Variants in RANBP2 observed in about 807,000 individuals in gnomAD.
The protein encoded by RANBP2 is RAN binding protein 2.
A neutral mutation model predicts 303.6 loss-of-function variants in RANBP2; 57 were observed. The ratio of observed to expected loss-of-function variants is 0.19; its 90% confidence interval spans 0.15 to 0.23. RANBP2 has a LOEUF of 0.23. Ranked by LOEUF, RANBP2 falls within the 10% of genes least tolerant of loss-of-function variation. The pLI is 1.00. For synonymous variants in RANBP2, 1,167 were observed against 1,301.5 expected (o/e 0.90, Z 2.23); for missense variants, 3,138 against 3,780.8 (o/e 0.83, Z 4.46).
chr2:108,948,943 C>G, the RANBP2 span, among the ~76,000 whole-genome samples: 1 of 152,224 alleles, frequency 6.6e-6, no homozygotes, highest in Middle Eastern at 3.4e-3. Flanking sequence ...GACAGTGAGA[C>G]CCCCATCACT....
In RANBP2 at chr2:108,749,122, C is replaced by T. The variant is rs768518457; in HGVS notation, c.1266C>T (p.Tyr422=). ...CAGAGCTTGAAGATTTGACTAGATACGATGTTGGTAAGTTATATGTTTCAG... is the reference window on the plus strand; with the variant it reads ...CAGAGCTTGAAGATTTGACTAGATATGATGTTGGTAAGTTATATGTTTCAG... ...REPELEDLTR[Y]DVGAIRAHNG... is the part of the protein sequence containing the mutation. The change falls in exon 9 of 29, where the codon TAC becomes TAT. Residue 422 remains tyrosine, a synonymous_variant. Coordinates refer to ENST00000283195, the MANE Select transcript of RANBP2 (RefSeq NM_006267.5). 7.4e-6 allele frequency: 12 copies of T among 1,611,720 alleles called. No homozygotes were observed. In the Admixed American group the frequency reaches 1.8e-4, roughly 25 times the overall value.
rs913766180 is a variant in RANBP2 at position 108,781,197 on chromosome 2, GATAAA to G, written c.8600-67_8600-63del. 174 of 1,444,822 alleles carry G rather than the reference GATAAA, an allele frequency of 1.2e-4. 1 individual carries two copies. The East Asian group carries it at 1.6e-3, about 13-fold the overall frequency. 89.5% of individuals were successfully genotyped at this position (1,444,822 alleles called of 1,614,324 possible). On this transcript the variant is annotated intron_variant, in intron 25 of 28. Coordinates refer to ENST00000283195, the MANE Select transcript of RANBP2 (RefSeq NM_006267.5). ...TACATCATCAGGAATTAGAGGGATTGATAAAATAAGAGGGGGATGAAAAATGTAAA... is the reference window on the plus strand; with the variant it reads ...TACATCATCAGGAATTAGAGGGATTGATAAGAGGGGGATGAAAAATGTAAA...
At chr2:109,311,691 G>T in the RANBP2 span, among the ~76,000 whole-genome samples, 1 of 152,200 alleles carries the variant, frequency 6.6e-6, no homozygotes, top group Non-Finnish European at 1.5e-5. Flanking sequence ...ATGCCTTTCT[G>T]ACTGATGTAC....
At chr2:109,748,011 CTTTTTTTTTT>C in the RANBP2 span, among the ~76,000 whole-genome samples, 1 of 52,484 alleles carries the variant, frequency 1.9e-5, no homozygotes. Context: ...ACATTTATAC[CTTTTTTTTTT>C]TTTTTTTTTT....
At chr2:108,959,198 G>C in the RANBP2 span, among the ~76,000 whole-genome samples, 2 of 152,250 alleles carry the variant, frequency 1.3e-5, no homozygotes, top group Non-Finnish European at 2.9e-5. Flanking sequence ...GAAAGCCAAG[G>C]CTTCAGTAAA....
the RANBP2 span, among the ~76,000 whole-genome samples, chr2:109,105,109 G>A: frequency 6.6e-6 from 1 of 152,204 alleles, no homozygotes; most frequent in Admixed American, 6.5e-5. Context: ...ATTGGTCGCA[G>A]CTGGCACCAG....
chr2:109,170,098 A>G, the RANBP2 span, among the ~76,000 whole-genome samples: 2 of 152,192 alleles, frequency 1.3e-5, no homozygotes, highest in African/African-American at 4.8e-5. Context: ...TATAATCTCT[A>G]CAAGTTTCCT....
chr2:108,887,091 C>T, the RANBP2 span, among the ~76,000 whole-genome samples: 1 of 152,136 alleles, frequency 6.6e-6, no homozygotes, highest in African/African-American at 2.4e-5. Context: ...TTTCATTCCT[C>T]TGCATCTGGT....
the RANBP2 span, chr2:109,614,927 G>A: frequency 6.7e-7 from 1 of 1,494,676 alleles, no homozygotes; most frequent in Non-Finnish European, 8.9e-7. Flanking sequence ...CGCACTGGCC[G>A]CCCCTGAGCG....
the RANBP2 span, among the ~76,000 whole-genome samples, chr2:109,394,625 A>G: frequency 6.6e-6 from 1 of 152,240 alleles, no homozygotes. Context: ...AAAAAACATG[A>G]AAAGTTTAGT....
chr2:109,130,466 C>G, the RANBP2 span, among the ~76,000 whole-genome samples: 1 of 152,224 alleles, frequency 6.6e-6, no homozygotes, highest in South Asian at 2.1e-4. Context: ...CAGACACTCC[C>G]TCTGCACACC....
At chr2:108,759,261 T>C (rs1489128364) in intron 18 of RANBP2, among the ~76,000 whole-genome samples, 1 of 152,108 alleles carries the variant, frequency 6.6e-6, no homozygotes, top group Admixed American at 6.6e-5. Flanking sequence ...TAACTTAGAA[T>C]GGCCGGTACC....
the RANBP2 span, among the ~76,000 whole-genome samples, chr2:109,685,771 G>A: frequency 6.6e-6 from 1 of 152,092 alleles, no homozygotes; most frequent in Non-Finnish European, 1.5e-5. Flanking sequence ...GTTATATGAA[G>A]GTCACAAAAC....
chr2:109,175,470 T>G, the RANBP2 span, among the ~76,000 whole-genome samples: 1 of 152,232 alleles, frequency 6.6e-6, no homozygotes, highest in Non-Finnish European at 1.5e-5. Context: ...GGCAGGTGGT[T>G]TCACATCTGT....
At chr2:109,036,917 G>GCAGATCA in the RANBP2 span, among the ~76,000 whole-genome samples, 1 of 152,126 alleles carries the variant, frequency 6.6e-6, no homozygotes, top group African/African-American at 2.4e-5. Flanking sequence ...GTGGAGGTGG[G>GCAGATCA]CAGATCACTT....
At chr2:109,149,392 G>A in the RANBP2 span, among the ~76,000 whole-genome samples, 15 of 152,266 alleles carry the variant, frequency 9.9e-5, 1 homozygote, top group East Asian at 2.7e-3. Context: ...TATTAATAAC[G>A]TAGCTATTAA....
At chr2:108,790,677 G>C (rs1272155971), downstream of RANBP2, among the ~76,000 whole-genome samples, 1 of 152,156 alleles carries the variant, frequency 6.6e-6, no homozygotes, top group Non-Finnish European at 1.5e-5. Context: ...CTGCAACCTG[G>C]GTGACAGAGT....
downstream of RANBP2, among the ~76,000 whole-genome samples, chr2:108,789,724 C>T (rs1339867565): frequency 6.6e-6 from 1 of 152,050 alleles, no homozygotes; most frequent in African/African-American, 2.4e-5. Context: ...AGAAGGTGGT[C>T]TGGGGAGATG....
intron 24 of RANBP2, 113 bp downstream of exon 24, chr2:108,776,049 T>C (rs1677871793): frequency 1.2e-6 from 1 of 830,966 alleles, no homozygotes; most frequent in Non-Finnish European, 1.9e-6. Flanking sequence ...TTTTGATATG[T>C]ATAAAGGGGC....
Sources: allele counts gnomAD v4.1 joint callset (sites outside exome capture counted in the v4.1 genomes callset), GRCh38; gene constraint gnomAD v4.1.1; transcripts MANE v1.5; gene names NCBI Gene and HGNC (gene_info 2026-07-23, HGNC 2026-07-21).